Variants in PTPRD observed in about 807,000 individuals in gnomAD.
The protein encoded by PTPRD is protein tyrosine phosphatase receptor type D.
PTPRD carries 34 observed loss-of-function variants against 214.5 expected under a neutral mutation model. The ratio of observed to expected loss-of-function variants is 0.16; its 90% confidence interval spans 0.12 to 0.21. PTPRD has a LOEUF of 0.21. PTPRD is among the 10% of genes least tolerant of loss of function. The pLI, the probability that PTPRD is intolerant of heterozygous loss-of-function variation, is 1.00. For missense variants in PTPRD, 2,545 were observed against 2,398.7 expected (o/e 1.06, Z -1.27); for synonymous variants, 1,128 against 845.7 (o/e 1.33, Z -5.79).
At chr9:9,053,652 C>A (rs2099690792) in intron 10 of PTPRD, among the ~76,000 whole-genome samples, 1 of 152,046 alleles carries the variant, frequency 6.6e-6, no homozygotes, top group African/African-American at 2.4e-5. Context: ...ATTTCTGTTG[C>A]TTTAAGTGAC....
chr9:9,532,056 T>C (rs1286580604), intron 8 of PTPRD, among the ~76,000 whole-genome samples: 1 of 152,006 alleles, frequency 6.6e-6, no homozygotes, highest in Non-Finnish European at 1.5e-5. Context: ...TATTAAATGG[T>C]AAAAATATGA....
chr9:10,065,843 G>C (rs944136577), intron 3 of PTPRD, among the ~76,000 whole-genome samples: 10 of 151,864 alleles, frequency 6.6e-5, no homozygotes, highest in African/African-American at 2.4e-4. Flanking sequence ...GTTATACTGG[G>C]GGGAGTGGGC....
chr9:9,968,020 G>A (rs536499401), intron 4 of PTPRD, among the ~76,000 whole-genome samples: 1 of 152,122 alleles, frequency 6.6e-6, no homozygotes, highest in Non-Finnish European at 1.5e-5. Context: ...AGAAGACAGT[G>A]ATAAAAATGT....
chr9:10,531,473 A>C (rs189985822), intron 2 of PTPRD, among the ~76,000 whole-genome samples: 40 of 152,304 alleles, frequency 2.6e-4, no homozygotes, highest in Non-Finnish European at 5.3e-4. Context: ...CCTAATAAAA[A>C]TGGTAGCATA....
chr9:10,370,154 T>C (rs976309902), intron 2 of PTPRD, among the ~76,000 whole-genome samples: 2 of 152,092 alleles, frequency 1.3e-5, no homozygotes, highest in Admixed American at 1.3e-4. Context: ...GGTTTGCTTA[T>C]CAGTAGGACG....
chr9:9,931,919 C>G (rs1448650604), intron 5 of PTPRD, among the ~76,000 whole-genome samples: 1 of 151,554 alleles, frequency 6.6e-6, no homozygotes, highest in Non-Finnish European at 1.5e-5. Context: ...GTCCCTGACC[C>G]CTGACCCCCG....
chr9:8,964,213 T>TTTTTTTTTTTG (rs1567273402), intron 11 of PTPRD, among the ~76,000 whole-genome samples: 1 of 146,548 alleles, frequency 6.8e-6, no homozygotes. Flanking sequence ...TTTTTTTTTT[T>TTTTTTTTTTTG]TTTTGCTGAT....
chr9:10,072,071 A>G (rs952415863), intron 3 of PTPRD, among the ~76,000 whole-genome samples: 1 of 152,006 alleles, frequency 6.6e-6, no homozygotes, highest in South Asian at 2.1e-4. Context: ...AAGATTAAAC[A>G]TAGACTGGGA....
chr9:9,636,500 A>C (rs1182737080), intron 7 of PTPRD, among the ~76,000 whole-genome samples: 1 of 147,182 alleles, frequency 6.8e-6, no homozygotes, highest in East Asian at 1.9e-4. Context: ...AGATATACAC[A>C]TACACAGAGC....
intron 3 of PTPRD, among the ~76,000 whole-genome samples, chr9:10,305,383 C>CAAA (rs532681794): frequency 1.3e-5 from 1 of 75,866 alleles, no homozygotes; most frequent in African/African-American, 4.1e-5. Context: ...AAAGCAATGG[C>CAAA]AAAAAAAAAA....
At chr9:9,427,951 C>G (rs2081609930) in intron 8 of PTPRD, among the ~76,000 whole-genome samples, 1 of 152,174 alleles carries the variant, frequency 6.6e-6, no homozygotes, top group East Asian at 1.9e-4. Context: ...CCAGCCACTG[C>G]AAAGACATGC....
intron 45 of PTPRD, among the ~76,000 whole-genome samples, chr9:8,318,823 A>C (rs992877612): frequency 2.6e-5 from 4 of 152,078 alleles, no homozygotes; most frequent in Non-Finnish European, 4.4e-5. Context: ...TGGAAAAATC[A>C]CAATTTACAG....
intron 11 of PTPRD, among the ~76,000 whole-genome samples, chr9:8,808,892 C>A (rs906307685): frequency 1.3e-5 from 2 of 152,094 alleles, no homozygotes; most frequent in Admixed American, 6.6e-5. Context: ...TTAAGTACCG[C>A]TGACTGAAGC....
chr9:9,306,563 CAAAAAAAAAA>C (rs142369340), intron 9 of PTPRD, among the ~76,000 whole-genome samples: 1 of 79,140 alleles, frequency 1.3e-5, no homozygotes, highest in Non-Finnish European at 2.3e-5. Context: ...GACTCCGTCT[CAAAAAAAAAA>C]AAAAAAAAAA....
intron 2 of PTPRD, among the ~76,000 whole-genome samples, chr9:10,394,957 C>CTTTTTTTTTTTTTTTT (rs34786789): frequency 7.5e-6 from 1 of 133,188 alleles, no homozygotes; most frequent in African/African-American, 2.9e-5. Flanking sequence ...TTTTCTTTTT[C>CTTTTTTTTTTTTTTTT]TTTTTTTTTT....
chr9:10,139,110 T>C (rs2098963638), intron 3 of PTPRD, among the ~76,000 whole-genome samples: 1 of 152,092 alleles, frequency 6.6e-6, no homozygotes, highest in African/African-American at 2.4e-5. Flanking sequence ...CTATCTTTCT[T>C]CGCTAATGAT....
chr9:8,379,792 G>GT (rs1421411721), intron 37 of PTPRD, among the ~76,000 whole-genome samples: 2 of 152,206 alleles, frequency 1.3e-5, no homozygotes, highest in African/African-American at 4.8e-5. Flanking sequence ...TACGAATACG[G>GT]TTTTTTGCCT....
chr9:9,233,339 A>T (rs1218821289), intron 9 of PTPRD, among the ~76,000 whole-genome samples: 1 of 152,176 alleles, frequency 6.6e-6, no homozygotes, highest in Non-Finnish European at 1.5e-5. Flanking sequence ...ACTGCCCCCA[A>T]GATTCAATTA....
intron 10 of PTPRD, among the ~76,000 whole-genome samples, chr9:9,172,912 C>A (rs191933099): frequency 6.6e-6 from 1 of 152,096 alleles, no homozygotes; most frequent in Non-Finnish European, 1.5e-5. Flanking sequence ...AATACAGATT[C>A]GATCGTGTCC....
Sources: gnomAD v4.1 joint callset for allele counts (sites outside exome capture counted in the v4.1 genomes callset) on GRCh38, gnomAD v4.1.1 for gene constraint, MANE v1.5 for transcripts, NCBI Gene and HGNC (gene_info 2026-07-23, HGNC 2026-07-21) for gene names.